The following SLIT3 variants were observed in gnomAD, a reference collection of about 807,000 sequenced individuals.
SLIT3 encodes the protein slit homolog 3 protein.
In SLIT3, 68 loss-of-function variants were observed where a neutral mutation model predicts 184.0. The observed-to-expected ratio is 0.37, with a 90% CI of 0.30 to 0.45. The LOEUF (loss-of-function observed/expected upper bound fraction) is 0.45, where lower values mean the gene tolerates loss of function less well. Among genes scored for constraint, SLIT3 ranks in the 20% least tolerant of loss-of-function variants. The pLI, the probability that SLIT3 is intolerant of heterozygous loss-of-function variation, is 1.00. For missense variants in SLIT3, 1,707 were observed against 2,026.0 expected (o/e 0.84, Z 3.02); for synonymous variants, 831 against 828.6 (o/e 1.00, Z -0.05).
At chr5:169,051,527 C>T (rs1757814587) in intron 4 of SLIT3, among the ~76,000 whole-genome samples, 1 of 152,066 alleles carries the variant, frequency 6.6e-6, no homozygotes, top group Admixed American at 6.5e-5. Flanking sequence ...GATAATTAAC[C>T]AAGTCATAAA....
At chr5:168,975,606 G>A (rs113295345) in intron 4 of SLIT3, among the ~76,000 whole-genome samples, 23 of 152,212 alleles carry the variant, frequency 1.5e-4, no homozygotes, top group Middle Eastern at 6.8e-3. Context: ...TCACGTGAAG[G>A]TTGTATAGAA....
At chr5:169,296,432 C>T (rs1008594245) in intron 1 of SLIT3, among the ~76,000 whole-genome samples, 1 of 152,194 alleles carries the variant, frequency 6.6e-6, no homozygotes, top group Non-Finnish European at 1.5e-5. Context: ...GGAGGCTATA[C>T]CGGTCCACTG....
At chr5:168,726,376 GAGAGGGAGGCAGGGAGGC>G (rs1561896041) in intron 20 of SLIT3, among the ~76,000 whole-genome samples, 22 of 41,388 alleles carry the variant, frequency 5.3e-4, no homozygotes, top group East Asian at 1.2e-3. Flanking sequence ...GGCAGGGAGG[GAGAGGGAGGCAGGGAGGC>G]AGAGGGAGGC....
intron 4 of SLIT3, among the ~76,000 whole-genome samples, chr5:168,954,572 T>C (rs1762759521): frequency 6.6e-6 from 1 of 152,146 alleles, no homozygotes; most frequent in Non-Finnish European, 1.5e-5. Flanking sequence ...TACTTCAAGA[T>C]TACAAAAATA....
At chr5:169,008,036 AG>A (rs1339490970) in intron 4 of SLIT3, among the ~76,000 whole-genome samples, 4 of 152,138 alleles carry the variant, frequency 2.6e-5, no homozygotes, top group Admixed American at 2.6e-4. Context: ...TACCAGGCAG[AG>A]GGCCATTGTT....
At chr5:169,102,890 C>T (rs192170846) in intron 4 of SLIT3, among the ~76,000 whole-genome samples, 194 of 152,324 alleles carry the variant, frequency 1.3e-3, no homozygotes, top group Middle Eastern at 0.01. Context: ...GTTGAGCTGA[C>T]ATACAAATCA....
At chr5:169,174,327 T>G (rs1483782827) in intron 4 of SLIT3, among the ~76,000 whole-genome samples, 1 of 152,162 alleles carries the variant, frequency 6.6e-6, no homozygotes, top group African/African-American at 2.4e-5. Context: ...CAGACCCCCA[T>G]GAGACCACAC....
chr5:168,694,182 T>A (rs1194610349), intron 28 of SLIT3, among the ~76,000 whole-genome samples: 1 of 152,100 alleles, frequency 6.6e-6, no homozygotes, highest in East Asian at 1.9e-4. Flanking sequence ...AGGAAACCAC[T>A]TCATCAATGC....
At chr5:168,978,008 AC>A (rs1754826186) in intron 4 of SLIT3, among the ~76,000 whole-genome samples, 1 of 151,952 alleles carries the variant, frequency 6.6e-6, no homozygotes, top group Admixed American at 6.6e-5. Flanking sequence ...ACTGAATCCA[AC>A]CTCCCAGCCT....
intron 6 of SLIT3, among the ~76,000 whole-genome samples, chr5:168,829,042 CT>C (rs1757798586): frequency 6.6e-6 from 1 of 152,176 alleles, no homozygotes; most frequent in Admixed American, 6.5e-5. Context: ...GCTTCTGCCC[CT>C]GGCTTCCACT....
chr5:168,862,334 C>T (rs1875974), intron 5 of SLIT3, among the ~76,000 whole-genome samples: 17,767 of 152,082 alleles, frequency 0.12, 2,163 homozygotes, highest in African/African-American at 0.31. Flanking sequence ...TAACCAAATG[C>T]CACCTGTTCC....
intron 4 of SLIT3, among the ~76,000 whole-genome samples, chr5:169,069,496 TAG>T (rs993837370): frequency 1.3e-5 from 2 of 151,962 alleles, no homozygotes; most frequent in African/African-American, 2.4e-5. Flanking sequence ...TGCAATTCAC[TAG>T]AGAGAGAGGG....
chr5:169,080,456 C>T (rs985775189), intron 4 of SLIT3, among the ~76,000 whole-genome samples: 11 of 152,124 alleles, frequency 7.2e-5, no homozygotes, highest in South Asian at 2.1e-4. Context: ...AAGGAGTCTG[C>T]GGCTGGGAGA....
intron 4 of SLIT3, among the ~76,000 whole-genome samples, chr5:169,160,237 A>C (rs1762434718): frequency 6.6e-6 from 1 of 152,216 alleles, no homozygotes; most frequent in Non-Finnish European, 1.5e-5. Flanking sequence ...TGGTCTGAGG[A>C]GGAAGACACT....
intron 5 of SLIT3, among the ~76,000 whole-genome samples, chr5:168,882,799 C>A (rs1760006939): frequency 6.6e-6 from 1 of 152,146 alleles, no homozygotes; most frequent in Non-Finnish European, 1.5e-5. Flanking sequence ...CTCTCAGGAG[C>A]CGATGATGAG....
chr5:168,686,726 G>A (rs1032010217), intron 30 of SLIT3, among the ~76,000 whole-genome samples: 1 of 152,208 alleles, frequency 6.6e-6, no homozygotes, highest in African/African-American at 2.4e-5. Context: ...CTGAACCTAA[G>A]CCCAGCTTTC....
chr5:169,128,810 T>C (rs1287001747), intron 4 of SLIT3, among the ~76,000 whole-genome samples: 1 of 152,192 alleles, frequency 6.6e-6, no homozygotes, highest in Non-Finnish European at 1.5e-5. Flanking sequence ...ACATGGACGG[T>C]GAGCCTGGCA....
In SLIT3 at chr5:169,013,861, T is replaced by C. The variant is rs545676319; in HGVS notation, c.414-130525A>G. 6.6e-5 allele frequency among the ~76,000 whole-genome samples: 10 copies of C among 152,334 alleles called. No homozygotes were observed. The South Asian group carries it at 2.1e-3, about 32-fold the overall frequency. Reference sequence around the variant, plus strand: ...TTTTCTCATGCCACTTACTCTAAAGTGCCTGGTTTATAGATCTGCATACTT... The same window carrying C: ...TTTTCTCATGCCACTTACTCTAAAGCGCCTGGTTTATAGATCTGCATACTT... On this transcript the variant is annotated intron_variant, in intron 4 of 35. Coordinates refer to ENST00000519560, the MANE Select transcript of SLIT3 (RefSeq NM_003062.4).
intron 3 of SLIT3, among the ~76,000 whole-genome samples, chr5:169,195,063 TA>T (rs1211058777): frequency 6.6e-6 from 1 of 152,186 alleles, no homozygotes; most frequent in East Asian, 1.9e-4. Context: ...TGAATTTTTC[TA>T]CTTAGAGTGA....
Sources: gnomAD v4.1 joint callset for allele counts (sites outside exome capture counted in the v4.1 genomes callset) on GRCh38, gnomAD v4.1.1 for gene constraint, MANE v1.5 for transcripts, NCBI Gene and HGNC (gene_info 2026-07-23, HGNC 2026-07-21) for gene names.